Variants in CD55 observed in about 807,000 individuals in gnomAD.
CD55 encodes complement decay-accelerating factor.
A neutral mutation model predicts 45.8 loss-of-function variants in CD55; 41 were observed. The ratio of observed to expected loss-of-function variants is 0.90; its 90% confidence interval spans 0.70 to 1.16. The LOEUF (loss-of-function observed/expected upper bound fraction) is 1.16, where lower values mean the gene tolerates loss of function less well. Among genes scored for constraint, CD55 ranks in the 50% most tolerant of loss-of-function variants. CD55 has a pLI of 0.00. For synonymous variants in CD55, 181 were observed against 181.1 expected (o/e 1.00, Z 0.01); for missense variants, 416 against 469.8 (o/e 0.89, Z 1.06).
intron 9 of CD55, among the ~76,000 whole-genome samples, chr1:207,341,254 CA>C (rs2102416218): frequency 6.6e-6 from 1 of 152,220 alleles, no homozygotes; most frequent in Admixed American, 6.5e-5. Flanking sequence ...TTGCTGTACA[CA>C]AGCTTTTTAG....
intron 4 of CD55, among the ~76,000 whole-genome samples, chr1:207,326,156 C>A (rs1049721525): frequency 6.6e-6 from 1 of 152,160 alleles, no homozygotes; most frequent in African/African-American, 2.4e-5. Context: ...ATTCTAAGTT[C>A]TTTGATAAGT....
At chr1:207,348,866 A>G (rs1192669924) in intron 9 of CD55, among the ~76,000 whole-genome samples, 2 of 152,066 alleles carry the variant, frequency 1.3e-5, no homozygotes, top group Non-Finnish European at 2.9e-5. Flanking sequence ...TGAAGATCAG[A>G]TGGTTGTAGG....
chr1:207,356,974 C>T (rs1656100763), intron 9 of CD55, among the ~76,000 whole-genome samples: 1 of 152,086 alleles, frequency 6.6e-6, no homozygotes, highest in Admixed American at 6.6e-5. Context: ...GTCCGTTTTT[C>T]CCATTAATAA....
intron 9 of CD55, chr1:207,358,538 A>G (rs916803313): frequency 1.3e-5 from 2 of 152,232 alleles, no homozygotes; most frequent in African/African-American, 2.4e-5. Flanking sequence ...ACATGAGAGC[A>G]ACAAAGTACT....
intron 9 of CD55, among the ~76,000 whole-genome samples, chr1:207,342,060 A>G (rs1301920781): frequency 6.6e-6 from 1 of 152,048 alleles, no homozygotes; most frequent in Non-Finnish European, 1.5e-5. Context: ...TATTGTATAG[A>G]AATGTTATTG....
intron 9 of CD55, among the ~76,000 whole-genome samples, chr1:207,357,389 C>T (rs1442277636): frequency 5.9e-5 from 9 of 151,996 alleles, no homozygotes; most frequent in African/African-American, 2.2e-4. Flanking sequence ...AGCAAAGCTA[C>T]TCTGAAAAAA....
At chr1:207,337,026 C>A (rs1408294725) in intron 7 of CD55, 1 of 640,362 alleles carries the variant, frequency 1.6e-6, no homozygotes, top group Non-Finnish European at 2.7e-6. Context: ...GTTTCAGCTA[C>A]AGGAACCCTA....
At chr1:207,326,209 A>G (rs1011128935) in intron 4 of CD55, among the ~76,000 whole-genome samples, 1 of 152,220 alleles carries the variant, frequency 6.6e-6, no homozygotes, top group Admixed American at 6.5e-5. Context: ...AGTACCATCA[A>G]TGTCTCAGAC....
intron 9 of CD55, chr1:207,340,256 G>A (rs1655363845): frequency 4.0e-6 from 1 of 250,972 alleles, no homozygotes; most frequent in African/African-American, 2.2e-5. Context: ...TTAATATAAT[G>A]GCCTCTAGTT....
At chr1:207,347,130 A>C (rs1299488974) in intron 9 of CD55, 1 of 456,276 alleles carries the variant, frequency 2.2e-6, no homozygotes, top group Non-Finnish European at 4.4e-6. Context: ...ATTCCTGCTT[A>C]GGTTTCTCTC....
In CD55 at chr1:207,359,763, C is replaced by A; in HGVS notation, c.*153C>A. 3 of 1,045,138 alleles carry A rather than the reference C, an allele frequency of 2.9e-6. No homozygotes were observed. The highest frequency in any genetic ancestry group is 3.8e-6 in the Non-Finnish European group (3 of 781,580). The allele number at this position is 1,045,138 out of a possible 1,614,324, so 64.7% of individuals were successfully genotyped here. A position where few individuals can be genotyped will look rare whatever the true frequency, so the allele number is the denominator to read the frequency against. The stretch of plus-strand genomic sequence containing the variant: ...AGATGTGTTAGGAATGTCAACAGAG[C>A]AAGGAGAAAAAAGGCAGTCCTGGAA... On this transcript the variant is annotated 3_prime_UTR_variant, in exon 10 of 10. Coordinates refer to ENST00000367064, the MANE Select transcript of CD55 (RefSeq NM_000574.5).
At chr1:207,345,277 G>T (rs1168325886) in intron 9 of CD55, among the ~76,000 whole-genome samples, 1 of 151,846 alleles carries the variant, frequency 6.6e-6, no homozygotes, top group East Asian at 1.9e-4. Flanking sequence ...TATCTCAAAA[G>T]ACCTGTCTTC....
At chr1:207,338,976 G>A (rs1246220133) in intron 8 of CD55, among the ~76,000 whole-genome samples, 1 of 152,098 alleles carries the variant, frequency 6.6e-6, no homozygotes, top group Non-Finnish European at 1.5e-5. Flanking sequence ...AAATAATAAG[G>A]TGATATGGCA....
chr1:207,325,496 T>C, intron 3 of CD55, 126 bp from the exon 4 acceptor site: 2 of 551,632 alleles, frequency 3.6e-6, no homozygotes, highest in Admixed American at 3.2e-5. Flanking sequence ...TTTTGATATA[T>C]GTGCACATTG....
rs1426836723 is a variant in CD55, at chr1:207,337,274, C to T, written c.980-55C>T. 3 of 1,092,824 alleles carry T rather than the reference C, an allele frequency of 2.7e-6. No individual in the cohort carries two copies. In the African/African-American group the frequency reaches 4.6e-5, roughly 17 times the overall value. The allele number at this position is 1,092,824 out of a possible 1,614,324, so 67.7% of individuals were successfully genotyped here. On this transcript the variant is annotated intron_variant, in intron 7 of 9. Transcript: ENST00000367064. ...ACGTAAGTCCACTAATGTACATTCC[C>T]CAGTGACTAATGGTCTCAAGAGTAC... is the stretch of plus-strand genomic sequence containing the variant.
At chr1:207,357,124 A>G (rs1050804493) in intron 9 of CD55, among the ~76,000 whole-genome samples, 4 of 152,218 alleles carry the variant, frequency 2.6e-5, no homozygotes, top group African/African-American at 9.6e-5. Flanking sequence ...TAAAGCATGT[A>G]AATATTCTTT....
At chr1:207,336,635 A>T in intron 6 of CD55, 58 bp from the exon 7 acceptor site, 2 of 1,594,870 alleles carry the variant, frequency 1.3e-6, no homozygotes, top group Non-Finnish European at 1.7e-6. Context: ...AATGGCTAAG[A>T]ATGTTAATGT....
At chr1:207,337,468 T>C in intron 8 of CD55, 59 bp downstream of exon 8, 1 of 923,476 alleles carries the variant, frequency 1.1e-6, no homozygotes, top group East Asian at 2.4e-5. Flanking sequence ...GGTGGAAATA[T>C]GAACTTGACC....
intron 2 of CD55, among the ~76,000 whole-genome samples, chr1:207,324,358 C>T (rs1246276423): frequency 1.3e-5 from 2 of 151,892 alleles, no homozygotes; most frequent in African/African-American, 4.8e-5. Flanking sequence ...CTTCCTAAGC[C>T]TCTAGTAACT....
Sources: allele counts gnomAD v4.1 joint callset (sites outside exome capture counted in the v4.1 genomes callset), GRCh38; gene constraint gnomAD v4.1.1; transcripts MANE v1.5; gene names NCBI Gene and HGNC (gene_info 2026-07-23, HGNC 2026-07-21).